Variants in LARP1 observed in about 807,000 individuals in gnomAD.
LARP1 encodes the protein la-related protein 1.
In LARP1, 36 loss-of-function variants were observed where a neutral mutation model predicts 122.7. The ratio of observed to expected loss-of-function variants is 0.29; its 90% CI spans 0.22 to 0.39. The LOEUF (loss-of-function observed/expected upper bound fraction) is 0.39. Ranked by LOEUF, LARP1 falls within the 10% of genes least tolerant of loss-of-function variation. The pLI, the probability that LARP1 is intolerant of heterozygous loss-of-function variation, is 1.00. For missense variants in LARP1, 1,040 were observed against 1,403.6 expected, an observed-to-expected ratio of 0.74 and a Z score of 4.14; for synonymous variants, 539 against 528.7, an observed-to-expected ratio of 1.02 and a Z score of -0.27.
chr5:154,757,287 G>A (rs906896817), intron 1 of LARP1: 4 of 152,130 alleles, frequency 2.6e-5, no homozygotes, highest in African/African-American at 7.2e-5. Context: ...CTTTCCGGGG[G>A]GAGGTAAGGG....
chr5:154,808,400 C>T, intron 15 of LARP1, 59 bp from the exon 16 acceptor site: 1 of 1,574,458 alleles, frequency 6.4e-7, no homozygotes, highest in East Asian at 2.3e-5. Flanking sequence ...GATCCTTTCT[C>T]CCTGAAGCAA....
rs78112077 is a variant in LARP1, at chr5:154,755,826, G to A, written c.69G>A (p.Gly23=). The change falls in exon 1 of 19, where the codon GGG becomes GGA. Residue 23 remains glycine (G), a synonymous_variant. Coordinates refer to ENST00000518297, the MANE Select transcript of LARP1 (RefSeq NM_033551.3). ...TCTTGCAGGCCGAAGAGCACGGGGG[G>A]CTGGTGAGGAAGAAGCCGCCGCCGG... The part of the protein sequence containing the change: ...ATLLQAEEHG[G]LVRKKPPPAP... 0.073 allele frequency: 73,540 copies of A among 1,001,640 alleles called. 2,757 individuals carry two copies. The highest frequency in any genetic ancestry group is 0.097 in the Middle Eastern group (199 of 2,042). The allele number at this position is 1,001,640 out of a possible 1,614,324, so 62.0% of individuals were successfully genotyped here.
At chr5:154,712,873 G>A (rs1175403556) in exon 1 of LARP1, 9 of 1,526,050 alleles carry the variant, frequency 5.9e-6, no homozygotes, top group Non-Finnish European at 8.2e-6. Flanking sequence ...GTGCGATCTG[G>A]ATGTACCTAA....
At chr5:154,706,324 AT>A (rs1754946608) in intron 1 of LARP1, among the ~76,000 whole-genome samples, 3 of 150,084 alleles carry the variant, frequency 2.0e-5, no homozygotes, top group African/African-American at 7.3e-5. Context: ...AATAATAATA[AT>A]AATAATAATA....
At chr5:154,713,082 A>G in exon 1 of LARP1, 2 of 1,614,174 alleles carry the variant, frequency 1.2e-6, no homozygotes, top group Non-Finnish European at 1.7e-6. Flanking sequence ...CACAGGTGAC[A>G]GGGAGAAGCC....
chr5:154,797,680 C>CTTT (rs79974250), intron 8 of LARP1, among the ~76,000 whole-genome samples: 6 of 138,158 alleles, frequency 4.3e-5, no homozygotes, highest in Admixed American at 7.2e-5. Context: ...TGTCTACCGT[C>CTTT]TTTTTTTTTT....
At chr5:154,795,947 A>G in intron 8 of LARP1, among the ~76,000 whole-genome samples, 1 of 113,616 alleles carries the variant, frequency 8.8e-6, no homozygotes, top group African/African-American at 3.5e-5. Context: ...ATATATTTAT[A>G]TATTATATAT....
chr5:154,733,385 G>A (rs756949418), intron 1 of LARP1, among the ~76,000 whole-genome samples: 2 of 152,036 alleles, frequency 1.3e-5, no homozygotes, highest in Non-Finnish European at 2.9e-5. Flanking sequence ...GTAGAAATGG[G>A]GGTCTGGCTA....
intron 1 of LARP1, among the ~76,000 whole-genome samples, chr5:154,713,574 G>A (rs953778797): frequency 1.3e-5 from 2 of 150,418 alleles, no homozygotes; most frequent in African/African-American, 4.9e-5. Flanking sequence ...ATTTTCATTT[G>A]ACCTTTTGAA....
At chr5:154,771,024 G>A (rs1410843389) in intron 1 of LARP1, among the ~76,000 whole-genome samples, 3 of 151,850 alleles carry the variant, frequency 2.0e-5, no homozygotes, top group Non-Finnish European at 2.9e-5. Context: ...AGGTGAGAGA[G>A]TCGCTTGAAC....
intron 1 of LARP1, among the ~76,000 whole-genome samples, chr5:154,687,154 G>A (rs1270876858): frequency 2.0e-5 from 3 of 152,156 alleles, no homozygotes; most frequent in African/African-American, 7.2e-5. Flanking sequence ...ACTTGCTTTT[G>A]TTTAGCCTTG....
At chr5:154,700,827 C>T (rs553706738) in intron 1 of LARP1, among the ~76,000 whole-genome samples, 14 of 152,038 alleles carry the variant, frequency 9.2e-5, no homozygotes, top group African/African-American at 3.1e-4. Context: ...GGTGGTGGCA[C>T]GTGCCTGTAA....
chr5:154,779,505 CTTTTTTTTT>C (rs11339301), intron 1 of LARP1, among the ~76,000 whole-genome samples: 1 of 123,204 alleles, frequency 8.1e-6, no homozygotes, highest in African/African-American at 3.1e-5. Flanking sequence ...TACATTCTCT[CTTTTTTTTT>C]TTTTTTTTTT....
intron 1 of LARP1, among the ~76,000 whole-genome samples, chr5:154,730,982 A>G (rs1233077): frequency 0.98 from 148,825 of 151,256 alleles, 73,221 homozygotes; most frequent in African/African-American, 0.99. Context: ...ATACCACCAC[A>G]CCTGGCTAAT....
At chr5:154,766,667 CG>C (rs1352371174) in intron 1 of LARP1, among the ~76,000 whole-genome samples, 2 of 152,184 alleles carry the variant, frequency 1.3e-5, no homozygotes, top group Non-Finnish European at 2.9e-5. Flanking sequence ...AGGTGGCAGT[CG>C]GCCCCCTTCT....
chr5:154,795,292 T>G lies in LARP1; in HGVS notation c.1350T>G (p.Leu450=). Residue 450 remains leucine, a synonymous_variant, in exon 8 of 19, where the codon CTT becomes CTG. Transcript: ENST00000518297. ...CTTCCTTCCACCGAGTGCAGGCCCT[T>G]ACCACTGACATTTCACTCATCTTTG... The part of the protein sequence containing the change: ...LIASFHRVQA[L]TTDISLIFAA... The G allele has an allele frequency of 6.2e-7, 1 of 1,614,000 alleles. No individual in the cohort carries two copies. Among genetic ancestry groups the G allele is most frequent in the East Asian group, 2.2e-5 (1 of 44,882 alleles).
chr5:154,769,701 A>G (rs1354579076), intron 1 of LARP1, among the ~76,000 whole-genome samples: 1 of 152,242 alleles, frequency 6.6e-6, no homozygotes, highest in Non-Finnish European at 1.5e-5. Context: ...TGGATATAGC[A>G]TCTTGGATGT....
At chr5:154,710,669 G>A (rs1755172299), upstream of LARP1, among the ~76,000 whole-genome samples, 1 of 149,690 alleles carries the variant, frequency 6.7e-6, no homozygotes, top group Non-Finnish European at 1.5e-5. Context: ...CTTGAACTCA[G>A]GAGGTGGAAG....
chr5:154,706,034 G>T (rs1037913465), intron 1 of LARP1, among the ~76,000 whole-genome samples: 3 of 152,062 alleles, frequency 2.0e-5, no homozygotes, highest in African/African-American at 7.2e-5. Context: ...GGTGGCTCAC[G>T]CCTGTAATCC....
Sources: gnomAD v4.1 joint callset for allele counts (sites outside exome capture counted in the v4.1 genomes callset) on GRCh38, gnomAD v4.1.1 for gene constraint, MANE v1.5 for transcripts, NCBI Gene and HGNC (gene_info 2026-07-23, HGNC 2026-07-21) for gene names.